The following NRXN3 variants were observed in gnomAD, a reference collection of about 807,000 sequenced individuals.
NRXN3 encodes neurexin 3, also known as neurexin III.
A neutral mutation model predicts 137.6 loss-of-function variants in NRXN3; 32 were observed. That is an observed-to-expected ratio of 0.23 (90% CI 0.18 to 0.31). NRXN3 has a LOEUF of 0.31. NRXN3 is among the 10% of genes least tolerant of loss of function. The pLI is 1.00. For synonymous variants in NRXN3, 798 were observed against 784.5 expected, an observed-to-expected ratio of 1.02 and a Z score of -0.29; for missense variants, 1,574 against 2,062.5, an observed-to-expected ratio of 0.76 and a Z score of 4.59.
chr14:78,362,459 C>T (rs2085272895), intron 4 of NRXN3, among the ~76,000 whole-genome samples: 1 of 152,094 alleles, frequency 6.6e-6, no homozygotes, highest in South Asian at 2.1e-4. Flanking sequence ...ATAATTAATG[C>T]CTCTCCTTTT....
At chr14:79,631,115 A>G (rs1489682085) in intron 16 of NRXN3, among the ~76,000 whole-genome samples, 1 of 152,228 alleles carries the variant, frequency 6.6e-6, no homozygotes, top group Admixed American at 6.5e-5. Flanking sequence ...AGTGCCTACT[A>G]TGTTTCAGAA....
intron 4 of NRXN3, among the ~76,000 whole-genome samples, chr14:78,510,909 C>G (rs542228723): frequency 6.6e-6 from 1 of 152,252 alleles, no homozygotes; most frequent in East Asian, 1.9e-4. Flanking sequence ...TTTGCCTCTC[C>G]CCATGGTTGT....
Position 79,614,327 on chromosome 14 carries a change from G to A in NRXN3, c.3445-49451G>A, listed in dbSNP as rs190400061. 1.5e-3 allele frequency among the ~76,000 whole-genome samples: 233 copies of A among 152,224 alleles called. 2 individuals are homozygous for A. Among genetic ancestry groups the A allele is most frequent in the Admixed American group, 4.6e-3 (70 of 15,292 alleles). ...TTCACTTATTTATCAATGTAAAAAC[G>A]CCCAGTTAGTTTTTAGCTCAAGGAA... On this transcript the variant is annotated intron_variant, in intron 16 of 20. Coordinates refer to ENST00000335750, the MANE Select transcript of NRXN3 (RefSeq NM_001330195.2).
chr14:78,386,050 A>T (rs1011276104), intron 4 of NRXN3, among the ~76,000 whole-genome samples: 2 of 34,898 alleles, frequency 5.7e-5, no homozygotes, highest in Non-Finnish European at 1.1e-4. Flanking sequence ...TTAACTGGCA[A>T]AACAAAAGAG....
At chr14:78,206,124 CA>C (rs1303657698) in intron 1 of NRXN3, among the ~76,000 whole-genome samples, 1 of 152,148 alleles carries the variant, frequency 6.6e-6, no homozygotes, top group Non-Finnish European at 1.5e-5. Context: ...CTGTGGGGCA[CA>C]AAAGTGGAGA....
At chr14:79,223,074 T>C (rs1199400869) in intron 15 of NRXN3, among the ~76,000 whole-genome samples, 1 of 152,156 alleles carries the variant, frequency 6.6e-6, no homozygotes, top group Non-Finnish European at 1.5e-5. Flanking sequence ...TTCTATTATT[T>C]TCTATTTTTC....
At chr14:79,467,193 A>G in intron 15 of NRXN3, 28 bp from the exon 16 acceptor site, 2 of 1,579,290 alleles carry the variant, frequency 1.3e-6, no homozygotes, top group Non-Finnish European at 1.7e-6. Context: ...TAGTGCCTTG[A>G]TGTCTCCCTC....
rs375925565 is a variant in NRXN3 at position 79,181,205 on chromosome 14, T to C, written c.3262+193064T>C. 2.2e-4 allele frequency among the ~76,000 whole-genome samples: 33 copies of C among 152,188 alleles called. No individual in the cohort carries two copies. The South Asian group carries it at 4.8e-3, about 22-fold the overall frequency. On this transcript the variant is annotated intron_variant, in intron 15 of 20. Coordinates refer to ENST00000335750, the MANE Select transcript of NRXN3 (RefSeq NM_001330195.2). ...CTGAGATTCCACTTTGACCTTTTGA[T>C]CTTTATCTGAAAGAAGTCAGATGAT...
intron 3 of NRXN3, among the ~76,000 whole-genome samples, chr14:78,283,665 C>A (rs1385654730): frequency 2.0e-5 from 3 of 152,216 alleles, no homozygotes; most frequent in Admixed American, 6.5e-5. Context: ...TGTGCCACCA[C>A]GCCCAGCAAA....
At chr14:79,228,823 T>C (rs911903325) in intron 15 of NRXN3, among the ~76,000 whole-genome samples, 29 of 152,336 alleles carry the variant, frequency 1.9e-4, no homozygotes, top group African/African-American at 6.7e-4. Context: ...GTAAATATAC[T>C]GTATTTCTTT....
intron 15 of NRXN3, among the ~76,000 whole-genome samples, chr14:79,462,172 G>A (rs995623256): frequency 4.6e-5 from 7 of 151,880 alleles, no homozygotes; most frequent in Non-Finnish European, 5.9e-5. Context: ...TCAGGAGTTC[G>A]AGACCAGCCT....
chr14:78,627,024 C>T (rs1284612927), intron 4 of NRXN3, among the ~76,000 whole-genome samples: 12 of 151,920 alleles, frequency 7.9e-5, no homozygotes, highest in Admixed American at 7.9e-4. Flanking sequence ...AGAATCCAAT[C>T]TTCTTTAGCT....
At chr14:79,329,602 A>G (rs998341109) in intron 15 of NRXN3, among the ~76,000 whole-genome samples, 1 of 152,204 alleles carries the variant, frequency 6.6e-6, no homozygotes, top group Non-Finnish European at 1.5e-5. Context: ...TTTATTTACA[A>G]AAAACAGGTA....
chr14:78,813,316 T>C (rs2098920490), intron 10 of NRXN3, among the ~76,000 whole-genome samples: 3 of 152,150 alleles, frequency 2.0e-5, no homozygotes, highest in Admixed American at 6.5e-5. Flanking sequence ...CCATGTCAGA[T>C]TTCATAGCTT....
chr14:78,992,551 T>C (rs77043556), intron 15 of NRXN3, among the ~76,000 whole-genome samples: 4,616 of 152,298 alleles, frequency 0.03, 238 homozygotes, highest in African/African-American at 0.1. Context: ...AGAATCTCCT[T>C]CCTGTATTTT....
intron 8 of NRXN3, among the ~76,000 whole-genome samples, chr14:78,735,522 T>C (rs1302567200): frequency 5.3e-5 from 8 of 152,132 alleles, no homozygotes; most frequent in Non-Finnish European, 1.0e-4. Flanking sequence ...GGACAAGCAG[T>C]GTTCAGGAAC....
intron 15 of NRXN3, among the ~76,000 whole-genome samples, chr14:79,372,170 T>C (rs1161150018): frequency 6.6e-6 from 1 of 152,046 alleles, no homozygotes; most frequent in Non-Finnish European, 1.5e-5. Context: ...CTCATCATAA[T>C]TGTAAAGGTG....
At chr14:79,074,150 C>T (rs2099692048) in intron 15 of NRXN3, among the ~76,000 whole-genome samples, 1 of 152,074 alleles carries the variant, frequency 6.6e-6, no homozygotes, top group African/African-American at 2.4e-5. Flanking sequence ...TGGAGTGGTA[C>T]AAAAAACATA....
In NRXN3 at chr14:79,867,070, A is replaced by G. The variant is rs1356269455; in HGVS notation, c.*5106A>G. The G allele has an allele frequency of 6.6e-6, 1 of 152,158 alleles. No homozygotes were observed. Among genetic ancestry groups the G allele is most frequent in the Non-Finnish European group, 1.5e-5 (1 of 68,026 alleles). 9.4% of individuals were successfully genotyped at this position (152,158 alleles called of 1,614,324 possible). A position where few individuals can be genotyped will look rare whatever the true frequency, so the allele number is the denominator to read the frequency against. On this transcript the variant is annotated 3_prime_UTR_variant, in exon 21 of 21. Transcript: ENST00000335750. ...AATAGTGAGGGCACGTATTTTTCTA[A>G]TTGTGTTTATTACAAAGAAAACAGA...
Sources: gnomAD v4.1 joint callset for allele counts (sites outside exome capture counted in the v4.1 genomes callset) on GRCh38, gnomAD v4.1.1 for gene constraint, MANE v1.5 for transcripts, NCBI Gene and HGNC (gene_info 2026-07-23, HGNC 2026-07-21) for gene names.